The following PAPSS2 variants were observed in gnomAD, a reference collection of about 807,000 sequenced individuals.
The protein encoded by PAPSS2 is 3'-phosphoadenosine 5'-phosphosulfate synthase 2.
A neutral mutation model predicts 66.5 loss-of-function variants in PAPSS2; 61 were observed. The ratio of observed to expected loss-of-function variants is 0.92; its 90% CI spans 0.75 to 1.14. PAPSS2 has a LOEUF of 1.14. Ranked by LOEUF, PAPSS2 falls within the 50% of genes most tolerant of loss-of-function variation. The probability of loss-of-function intolerance (pLI) is 0.00; values close to 1 mark genes in which losing one functional copy is unlikely to be tolerated. For synonymous variants in PAPSS2, 289 were observed against 287.5 expected (o/e 1.01, Z -0.05); for missense variants, 708 against 789.6 (o/e 0.90, Z 1.24).
At chr10:87,662,886 T>G (rs990260463) in intron 1 of PAPSS2, among the ~76,000 whole-genome samples, 2 of 151,870 alleles carry the variant, frequency 1.3e-5, no homozygotes, top group Non-Finnish European at 2.9e-5. Flanking sequence ...CTTTCTTTTT[T>G]TTTTTGAGAC....
chr10:87,692,912 T>C (rs1270167976), intron 1 of PAPSS2, among the ~76,000 whole-genome samples: 1 of 152,234 alleles, frequency 6.6e-6, no homozygotes, highest in East Asian at 1.9e-4. Flanking sequence ...ATAATCATCA[T>C]AACAACCCCC....
intron 1 of PAPSS2, among the ~76,000 whole-genome samples, chr10:87,687,923 A>C (rs145828686): frequency 2.6e-5 from 4 of 152,362 alleles, no homozygotes; most frequent in Non-Finnish European, 5.9e-5. Flanking sequence ...GTAATTTTTT[A>C]AATGATTTGA....
chr10:87,703,691 G>A, intron 1 of PAPSS2: 1 of 516,790 alleles, frequency 1.9e-6, no homozygotes, highest in Admixed American at 1.9e-5. Context: ...AGGTCTGCTT[G>A]ACTCCAAAAT....
intron 1 of PAPSS2, among the ~76,000 whole-genome samples, chr10:87,665,281 A>G (rs922384190): frequency 6.6e-6 from 1 of 151,370 alleles, no homozygotes. Context: ...GCGTGATCTC[A>G]GCTCACTGCA....
At chr10:87,675,967 A>G (rs1164584897) in intron 1 of PAPSS2, among the ~76,000 whole-genome samples, 1 of 87,022 alleles carries the variant, frequency 1.1e-5, no homozygotes, top group Non-Finnish European at 2.4e-5. Flanking sequence ...CCCTTTCCAC[A>G]TTTCTTTTTT....
At chr10:87,694,156 G>A (rs565379096) in intron 1 of PAPSS2, among the ~76,000 whole-genome samples, 2 of 152,336 alleles carry the variant, frequency 1.3e-5, no homozygotes, top group South Asian at 2.1e-4. Context: ...TTTATGAGAT[G>A]TAGAGAGGTC....
intron 1 of PAPSS2, among the ~76,000 whole-genome samples, chr10:87,691,821 C>T (rs556561698): frequency 2.2e-4 from 34 of 152,134 alleles, no homozygotes; most frequent in Non-Finnish European, 2.9e-4. Context: ...CAGGTATGGT[C>T]GGTGCACACC....
chr10:87,727,262 C>T lies in PAPSS2; in HGVS notation c.881-22C>T, dbSNP rs1564725392. 1.9e-6 allele frequency: 3 copies of T among 1,601,850 alleles called. No individual in the cohort carries two copies. The East Asian group carries it at 6.7e-5, about 36-fold the overall frequency. On this transcript the variant is annotated intron_variant, in intron 8 of 12. Coordinates refer to ENST00000456849, the MANE Select transcript of PAPSS2 (RefSeq NM_001015880.2). ...GCACACCTTATATCTAGTTTTCGTG[C>T]ATCACATGGCTCTTTCCACAGATGG...
At chr10:87,734,131 T>C (rs1853763379) in intron 9 of PAPSS2, among the ~76,000 whole-genome samples, 1 of 152,184 alleles carries the variant, frequency 6.6e-6, no homozygotes, top group Admixed American at 6.5e-5. Context: ...AACCCCTTTA[T>C]TAAGATACAA....
intron 1 of PAPSS2, among the ~76,000 whole-genome samples, chr10:87,676,847 T>C (rs1852954164): frequency 8.3e-6 from 1 of 121,112 alleles, no homozygotes; most frequent in African/African-American, 3.3e-5. Context: ...TACTCCAGTC[T>C]GGATGACAGA....
intron 9 of PAPSS2, among the ~76,000 whole-genome samples, chr10:87,734,108 A>G (rs1853763117): frequency 6.6e-6 from 1 of 152,064 alleles, no homozygotes; most frequent in South Asian, 2.1e-4. Flanking sequence ...GAATTATTCA[A>G]CTTTTCTTTG....
Position 87,713,368 on chromosome 10 carries a change from T to G in PAPSS2, c.381+58T>G, listed in dbSNP as rs981132127. 3.7e-4 allele frequency: 356 copies of G among 966,028 alleles called. 1 individual carries two copies. The highest frequency in any genetic ancestry group is 4.1e-5 in the Non-Finnish European group (26 of 630,718). The allele number at this position is 966,028 out of a possible 1,614,324, so 59.8% of individuals were successfully genotyped here. A position where few individuals can be genotyped will look rare whatever the true frequency, so the allele number is the denominator to read the frequency against. On this transcript the variant is annotated intron_variant, in intron 3 of 12. Transcript: ENST00000456849. ...ACACGATTCCCACACACAGTGCAAG[T>G]GCTCTCCAACTGCTAGGGGAAGGAA...
chr10:87,690,166 A>G (rs1853154584), intron 1 of PAPSS2, among the ~76,000 whole-genome samples: 1 of 152,212 alleles, frequency 6.6e-6, no homozygotes, highest in Non-Finnish European at 1.5e-5. Flanking sequence ...AATGTTTGTA[A>G]TAATAAAAGA....
chr10:87,745,315 C>A, intron 12 of PAPSS2, 84 bp downstream of exon 12: 1 of 1,060,168 alleles, frequency 9.4e-7, no homozygotes, highest in Non-Finnish European at 1.4e-6. Context: ...GAAAAACTCT[C>A]CAGTGCATTG....
chr10:87,688,438 T>A (rs940830281), intron 1 of PAPSS2, among the ~76,000 whole-genome samples: 1 of 135,176 alleles, frequency 7.4e-6, no homozygotes, highest in Admixed American at 7.6e-5. Flanking sequence ...GAAATTTCTT[T>A]TTTATTTTAT....
In PAPSS2 at chr10:87,659,922, C is replaced by CCGT. The variant is rs1332472118; in HGVS notation, c.-58_-56dup. 3.2e-6 allele frequency: 5 copies of CCGT among 1,579,956 alleles called. No individual in the cohort carries two copies. Among genetic ancestry groups the CCGT allele is most frequent in the African/African-American group, 1.3e-5 (1 of 74,318 alleles). On this transcript the variant is annotated 5_prime_UTR_variant, in exon 1 of 13. Coordinates refer to ENST00000456849, the MANE Select transcript of PAPSS2 (RefSeq NM_001015880.2). ...GCTGCTGCTGCCGCCGCCGCCGCCGCCGTCCCTGCGTCCTTCGGTCTCTGC... is the reference window on the plus strand; with the variant it reads ...GCTGCTGCTGCCGCCGCCGCCGCCGCCGTCGTCCCTGCGTCCTTCGGTCTCTGC...
chr10:87,675,303 T>C (rs897699775), intron 1 of PAPSS2, among the ~76,000 whole-genome samples: 2 of 152,208 alleles, frequency 1.3e-5, no homozygotes, highest in African/African-American at 4.8e-5. Context: ...CAGTGAAAAA[T>C]TGAAAATCTA....
At chr10:87,683,904 A>T (rs1228031724) in intron 1 of PAPSS2, among the ~76,000 whole-genome samples, 3 of 152,056 alleles carry the variant, frequency 2.0e-5, no homozygotes, top group South Asian at 2.1e-4. Flanking sequence ...TATGTTGCCC[A>T]AGCTGGTCTT....
chr10:87,717,934 G>C (rs1171819033), intron 7 of PAPSS2, among the ~76,000 whole-genome samples: 1 of 152,184 alleles, frequency 6.6e-6, no homozygotes, highest in African/African-American at 2.4e-5. Context: ...AATCCATCTG[G>C]ATGATTTAGG....
Sources: gnomAD v4.1 joint callset for allele counts (sites outside exome capture counted in the v4.1 genomes callset) on GRCh38, gnomAD v4.1.1 for gene constraint, MANE v1.5 for transcripts, NCBI Gene and HGNC (gene_info 2026-07-23, HGNC 2026-07-21) for gene names.